GLIS1: variants seen among roughly 807,000 people sequenced by gnomAD.
GLIS1 encodes zinc finger protein GLIS1.
In GLIS1, 24 loss-of-function variants were observed where a neutral mutation model predicts 63.8. That is an observed-to-expected ratio of 0.38 (90% CI 0.27 to 0.53). The LOEUF (loss-of-function observed/expected upper bound fraction) is 0.53, where lower values mean the gene tolerates loss of function less well. Among genes scored for constraint, GLIS1 ranks in the 20% least tolerant of loss-of-function variants. The pLI, the probability that GLIS1 is intolerant of heterozygous loss-of-function variation, is 0.85. For synonymous variants in GLIS1, 450 were observed against 482.5 expected (o/e 0.93, Z 0.88); for missense variants, 1,036 against 1,074.1 (o/e 0.96, Z 0.50).
At chr1:53,651,188 T>G (rs1449712576) in intron 2 of GLIS1, among the ~76,000 whole-genome samples, 1 of 152,256 alleles carries the variant, frequency 6.6e-6, no homozygotes, top group Non-Finnish European at 1.5e-5. Context: ...GCCTTTCATG[T>G]GCACATTGTT....
intron 4 of GLIS1, among the ~76,000 whole-genome samples, chr1:53,592,685 A>G (rs1645204114): frequency 6.6e-6 from 1 of 152,218 alleles, no homozygotes; most frequent in African/African-American, 2.4e-5. Flanking sequence ...AAGGCACAAG[A>G]TAAAGTCAAA....
intron 2 of GLIS1, among the ~76,000 whole-genome samples, chr1:53,735,903 G>A (rs1011770627): frequency 1.3e-4 from 20 of 152,152 alleles, no homozygotes; most frequent in Non-Finnish European, 2.9e-4. Flanking sequence ...TAGCAACACA[G>A]AGGCCAGCAG....
chr1:53,710,879 AG>A (rs1340963671), intron 2 of GLIS1, among the ~76,000 whole-genome samples: 1 of 152,100 alleles, frequency 6.6e-6, no homozygotes, highest in Non-Finnish European at 1.5e-5. Flanking sequence ...ACTTTTACAC[AG>A]GCCCCCTAAT....
At chr1:53,635,724 AAGG>A (rs1331725306) in intron 2 of GLIS1, among the ~76,000 whole-genome samples, 1 of 152,194 alleles carries the variant, frequency 6.6e-6, no homozygotes, top group Non-Finnish European at 1.5e-5. Context: ...CACAAGAAAG[AAGG>A]AGGAGGCACA....
chr1:53,515,482 T>C (rs1235845202), intron 7 of GLIS1, among the ~76,000 whole-genome samples: 1 of 151,836 alleles, frequency 6.6e-6, no homozygotes, highest in African/African-American at 2.4e-5. Context: ...TGAACAAGGG[T>C]CCCAACTGAG....
At chr1:53,603,181 G>C (rs1645335819) in intron 2 of GLIS1, among the ~76,000 whole-genome samples, 1 of 152,120 alleles carries the variant, frequency 6.6e-6, no homozygotes, top group Non-Finnish European at 1.5e-5. Flanking sequence ...GGGAGGGAAG[G>C]GGGAAGGCGC....
At chr1:53,650,547 G>A (rs1427290602) in intron 2 of GLIS1, among the ~76,000 whole-genome samples, 5 of 140,082 alleles carry the variant, frequency 3.6e-5, no homozygotes, top group South Asian at 4.7e-4. Context: ...CCAAGATCAC[G>A]CCATTGCACT....
At chr1:53,737,053 G>A (rs915481380) in intron 2 of GLIS1, among the ~76,000 whole-genome samples, 1 of 152,202 alleles carries the variant, frequency 6.6e-6, no homozygotes, top group African/African-American at 2.4e-5. Flanking sequence ...TTATCTGTCA[G>A]CACGAAACTC....
At chr1:53,523,010 C>T (rs1210839763) in intron 6 of GLIS1, among the ~76,000 whole-genome samples, 1 of 32,964 alleles carries the variant, frequency 3.0e-5, no homozygotes, top group Non-Finnish European at 5.5e-5. Context: ...TTTTTTGAGA[C>T]AGGGTCTTGC....
chr1:53,554,828 A>T (rs971773241), intron 4 of GLIS1, among the ~76,000 whole-genome samples: 3 of 151,316 alleles, frequency 2.0e-5, no homozygotes, highest in Admixed American at 1.3e-4. Context: ...CCCTCGACAC[A>T]CCCCCTGTCC....
chr1:53,690,690 G>T (rs1557523935), intron 2 of GLIS1, among the ~76,000 whole-genome samples: 1 of 152,200 alleles, frequency 6.6e-6, no homozygotes, highest in Non-Finnish European at 1.5e-5. Context: ...GAGAAAATGA[G>T]ACTCAGGAGG....
At chr1:53,545,531 T>C (rs550780902) in intron 4 of GLIS1, among the ~76,000 whole-genome samples, 3 of 152,316 alleles carry the variant, frequency 2.0e-5, no homozygotes, top group South Asian at 2.1e-4. Context: ...ACAGTAAGTA[T>C]AGTATGATTC....
chr1:53,691,146 A>G (rs992731771), intron 2 of GLIS1, among the ~76,000 whole-genome samples: 3 of 152,172 alleles, frequency 2.0e-5, no homozygotes, highest in African/African-American at 7.2e-5. Context: ...ACTCAAGGCC[A>G]GGAGTTCAAG....
In GLIS1 at chr1:53,700,057, C is replaced by T. The variant is rs544393718; in HGVS notation, c.259+37749G>A. Among the ~76,000 whole-genome samples the T allele has an allele frequency of 2.1e-4, 32 of 152,316 alleles. 1 individual carries two copies. The South Asian group carries it at 6.6e-3, about 32-fold the overall frequency. ...AATCCAGGCTTCCCTGACCCAAAGCCAGGACTCTGAGCTGGGATGACTCTA... is the reference window on the plus strand; with the variant it reads ...AATCCAGGCTTCCCTGACCCAAAGCTAGGACTCTGAGCTGGGATGACTCTA... On this transcript the variant is annotated intron_variant, in intron 2 of 10. Coordinates refer to ENST00000628545, the MANE Select transcript of GLIS1 (RefSeq NM_001367484.1).
intron 2 of GLIS1, among the ~76,000 whole-genome samples, chr1:53,655,689 G>C (rs527413636): frequency 6.6e-6 from 1 of 152,294 alleles, no homozygotes; most frequent in East Asian, 1.9e-4. Flanking sequence ...CAGTGAACTC[G>C]AGGATGAGAA....
intron 2 of GLIS1, among the ~76,000 whole-genome samples, chr1:53,645,972 G>A (rs915603537): frequency 6.6e-6 from 1 of 152,182 alleles, no homozygotes; most frequent in African/African-American, 2.4e-5. Flanking sequence ...AGTGAACAAG[G>A]GGGGCAGGGG....
chr1:53,516,761 C>T (rs201849590), intron 7 of GLIS1, among the ~76,000 whole-genome samples: 18 of 151,280 alleles, frequency 1.2e-4, no homozygotes, highest in East Asian at 1.2e-3. Flanking sequence ...TGCAGTGAGC[C>T]GAGATGGTGC....
intron 2 of GLIS1, among the ~76,000 whole-genome samples, chr1:53,736,745 T>C (rs1164103237): frequency 6.6e-6 from 1 of 152,226 alleles, no homozygotes; most frequent in Non-Finnish European, 1.5e-5. Context: ...CTTATGTTTA[T>C]TTCATTTTAC....
intron 4 of GLIS1, among the ~76,000 whole-genome samples, chr1:53,589,118 G>C (rs987395424): frequency 2.0e-5 from 3 of 152,092 alleles, no homozygotes; most frequent in African/African-American, 7.2e-5. Context: ...GGAGGTTTTT[G>C]TTTTTGAGAC....
Sources: gnomAD v4.1 joint callset for allele counts (sites outside exome capture counted in the v4.1 genomes callset) on GRCh38, gnomAD v4.1.1 for gene constraint, MANE v1.5 for transcripts, NCBI Gene and HGNC (gene_info 2026-07-23, HGNC 2026-07-21) for gene names.